The following CARD8 variants were observed in gnomAD, a reference collection of about 807,000 sequenced individuals.
The protein encoded by CARD8 is caspase recruitment domain family member 8.
A neutral mutation model predicts 53.2 loss-of-function variants in CARD8; 38 were observed. That is an observed-to-expected ratio of 0.71 (90% CI 0.55 to 0.94). CARD8 has a LOEUF of 0.94. CARD8 is among the 40% of genes least tolerant of loss of function. The probability of loss-of-function intolerance (pLI) is 0.00; values close to 1 mark genes in which losing one functional copy is unlikely to be tolerated. For missense variants in CARD8, 561 were observed against 655.5 expected, an observed-to-expected ratio of 0.86 and a Z score of 1.57; for synonymous variants, 245 against 244.9, an observed-to-expected ratio of 1.00 and a Z score of 0.00.
chr19:48,241,498 G>A (rs1323986775), intron 3 of CARD8, among the ~76,000 whole-genome samples: 1 of 152,118 alleles, frequency 6.6e-6, no homozygotes, highest in Non-Finnish European at 1.5e-5. Flanking sequence ...TCAGGTGATC[G>A]GCCCGTCTCG....
intron 3 of CARD8, among the ~76,000 whole-genome samples, chr19:48,244,659 A>G (rs1479404634): frequency 1.3e-5 from 2 of 152,194 alleles, no homozygotes; most frequent in African/African-American, 4.8e-5. Context: ...AAATACTACA[A>G]AAACACACTT....
chr19:48,241,405 GCCA>G (rs2045057206), intron 3 of CARD8, among the ~76,000 whole-genome samples: 1 of 152,054 alleles, frequency 6.6e-6, no homozygotes, highest in Non-Finnish European at 1.5e-5. Flanking sequence ...ACAGGCATGC[GCCA>G]CCATACCCGG....
downstream of CARD8, among the ~76,000 whole-genome samples, chr19:48,207,052 C>T (rs1170223854): frequency 1.3e-5 from 2 of 151,692 alleles, no homozygotes; most frequent in Non-Finnish European, 2.9e-5. Flanking sequence ...CCTGTAATCC[C>T]AGCTACTCAG....
downstream of CARD8, chr19:48,204,148 A>C (rs1170774350): frequency 2.2e-6 from 1 of 455,212 alleles, no homozygotes; most frequent in East Asian, 7.0e-5. Flanking sequence ...TCTCTGGGTG[A>C]GGAGGCGGAC....
chr19:48,224,800 G>A (rs2041407454), intron 10 of CARD8, among the ~76,000 whole-genome samples: 1 of 148,652 alleles, frequency 6.7e-6, no homozygotes, highest in African/African-American at 2.5e-5. Context: ...CTGTCGCCCA[G>A]GCTGGAGTGC....
At chr19:48,254,073 ATTAAGTTATC>A (rs1205403429) in intron 1 of CARD8, among the ~76,000 whole-genome samples, 4 of 152,216 alleles carry the variant, frequency 2.6e-5, no homozygotes, top group Non-Finnish European at 5.9e-5. Context: ...TAATGCACAG[ATTAAGTTATC>A]TGAATATATG....
intron 10 of CARD8, among the ~76,000 whole-genome samples, chr19:48,227,576 G>A (rs138723911): frequency 0.032 from 4,880 of 152,108 alleles, 184 homozygotes; most frequent in African/African-American, 0.087. Context: ...AGGCCAAGGC[G>A]GGCAGATCAC....
chr19:48,236,827 T>A (rs2043980727), intron 5 of CARD8, among the ~76,000 whole-genome samples: 1 of 152,042 alleles, frequency 6.6e-6, no homozygotes. Context: ...CAGGCTAGAG[T>A]GCAATGGCGT....
intron 11 of CARD8, among the ~76,000 whole-genome samples, chr19:48,220,954 A>AAAGGAAGGAAGGAAGGAAGGAAGG (rs373278605): frequency 4.9e-5 from 5 of 101,334 alleles, no homozygotes; most frequent in Middle Eastern, 4.9e-3. Context: ...AAAGGAAAGG[A>AAAGGAAGGAAGGAAGGAAGGAAGG]AAGGAAGGAA....
rs1295197563 is a variant in CARD8, at chr19:48,249,834, G to A, written c.-238C>T. ...ACACTGCCAGGCTGCTCTGTGTTCT[G>A]TTCCTCTTGGTCACTTGAGAAGAAA... is the stretch of plus-strand genomic sequence containing the variant. On this transcript the variant is annotated 5_prime_UTR_variant, in exon 2 of 14. Transcript: ENST00000651546. 3 of 152,262 alleles carry A rather than the reference G, an allele frequency of 2.0e-5. No individual in the cohort carries two copies. The East Asian group carries it at 5.7e-4, about 29-fold the overall frequency. 9.4% of individuals were successfully genotyped at this position (152,262 alleles called of 1,614,324 possible).
intron 10 of CARD8, among the ~76,000 whole-genome samples, chr19:48,228,024 T>G (rs1246807280): frequency 6.6e-6 from 1 of 152,138 alleles, no homozygotes; most frequent in Non-Finnish European, 1.5e-5. Flanking sequence ...CCGCCTGAGC[T>G]CCTCCTGTCA....
intron 1 of CARD8, among the ~76,000 whole-genome samples, chr19:48,250,166 T>A (rs2046767169): frequency 6.6e-6 from 1 of 152,234 alleles, no homozygotes; most frequent in Non-Finnish European, 1.5e-5. Context: ...AAACAGTGTT[T>A]ATTTGGGAAT....
chr19:48,215,491 T>G, intron 12 of CARD8, 107 bp from the exon 13 acceptor site: 1 of 756,926 alleles, frequency 1.3e-6, no homozygotes, highest in Non-Finnish European at 2.3e-6. Flanking sequence ...ATTCTACATA[T>G]GTCATAAGGC....
chr19:48,212,267 C>T (rs931004486), intron 13 of CARD8, among the ~76,000 whole-genome samples: 12 of 152,210 alleles, frequency 7.9e-5, no homozygotes, highest in Non-Finnish European at 1.3e-4. Context: ...AGACAGAGCT[C>T]TATCTTGCTG....
At chr19:48,233,230 G>A (rs1376066424) in intron 6 of CARD8, 8 of 422,996 alleles carry the variant, frequency 1.9e-5, no homozygotes, top group East Asian at 7.1e-5. Flanking sequence ...CCAATGGTTC[G>A]TCATGCCTCT....
At chr19:48,220,587 T>C (rs952186454) in intron 11 of CARD8, among the ~76,000 whole-genome samples, 2 of 152,172 alleles carry the variant, frequency 1.3e-5, no homozygotes, top group African/African-American at 4.8e-5. Context: ...CTCATCTTTA[T>C]TTTAGAGAAC....
intron 10 of CARD8, among the ~76,000 whole-genome samples, chr19:48,222,691 C>CAAA (rs35257645): frequency 8.7e-6 from 1 of 115,118 alleles, no homozygotes. Flanking sequence ...TCTGTCTCAC[C>CAAA]AAAAAAAAAA....
At chr19:48,230,383 A>G in intron 10 of CARD8, 55 bp downstream of exon 10, 1 of 1,541,862 alleles carries the variant, frequency 6.5e-7, no homozygotes, top group Admixed American at 1.9e-5. Context: ...GGCCAAGGGG[A>G]TAACCTGGAA....
intron 10 of CARD8, among the ~76,000 whole-genome samples, chr19:48,225,165 A>T (rs1600274381): frequency 1.3e-5 from 2 of 152,232 alleles, no homozygotes; most frequent in Middle Eastern, 6.8e-3. Flanking sequence ...TGACCACAAC[A>T]GAGGGAAAGA....
Sources: gnomAD v4.1 joint callset for allele counts (sites outside exome capture counted in the v4.1 genomes callset) on GRCh38, gnomAD v4.1.1 for gene constraint, MANE v1.5 for transcripts, NCBI Gene and HGNC (gene_info 2026-07-23, HGNC 2026-07-21) for gene names.